GALNTL6: variants seen among roughly 807,000 people sequenced by gnomAD.
The protein encoded by GALNTL6 is polypeptide N-acetylgalactosaminyltransferase-like 6.
In GALNTL6, 46 loss-of-function variants were observed where a neutral mutation model predicts 73.7. That is an observed-to-expected ratio of 0.62 (90% confidence interval 0.49 to 0.80). The LOEUF (loss-of-function observed/expected upper bound fraction) is 0.80, where lower values mean the gene tolerates loss of function less well. Ranked by LOEUF, GALNTL6 falls within the 30% of genes least tolerant of loss-of-function variation. GALNTL6 has a pLI of 0.00. For synonymous variants in GALNTL6, 259 were observed against 263.7 expected, an observed-to-expected ratio of 0.98 and a Z score of 0.17; for missense variants, 604 against 755.0, an observed-to-expected ratio of 0.80 and a Z score of 2.34.
intron 5 of GALNTL6, among the ~76,000 whole-genome samples, chr4:172,445,773 GT>G (rs1731996968): frequency 6.6e-6 from 1 of 152,152 alleles, no homozygotes; most frequent in Non-Finnish European, 1.5e-5. Context: ...ATGTATGAGT[GT>G]GTTTTCTCTC....
intron 5 of GALNTL6, among the ~76,000 whole-genome samples, chr4:172,395,588 CT>C (rs1347725368): frequency 1.6e-4 from 25 of 152,088 alleles, no homozygotes; most frequent in African/African-American, 5.8e-4. Context: ...AAAATATATT[CT>C]GAGATATCAG....
chr4:172,526,413 A>G (rs145921305), intron 5 of GALNTL6, among the ~76,000 whole-genome samples: 46 of 152,286 alleles, frequency 3.0e-4, no homozygotes, highest in African/African-American at 1.1e-3. Context: ...TAAATTTAAA[A>G]ATATCTGCAA....
chr4:172,986,021 C>T (rs1751273462), intron 10 of GALNTL6, among the ~76,000 whole-genome samples: 1 of 152,122 alleles, frequency 6.6e-6, no homozygotes, highest in African/African-American at 2.4e-5. Flanking sequence ...TTCTTCTTTT[C>T]AAAATTAAAT....
At chr4:172,760,449 T>C (rs1738017530) in intron 5 of GALNTL6, among the ~76,000 whole-genome samples, 1 of 152,220 alleles carries the variant, frequency 6.6e-6, no homozygotes, top group Non-Finnish European at 1.5e-5. Flanking sequence ...AAAATAGACC[T>C]ACTCTGAAAC....
chr4:171,996,743 ACT>A (rs1282432944), intron 2 of GALNTL6, among the ~76,000 whole-genome samples: 20 of 138,780 alleles, frequency 1.4e-4, no homozygotes, highest in African/African-American at 4.4e-4. Flanking sequence ...AAAAAAAAAA[ACT>A]CACAGTGTCT....
chr4:172,197,934 C>T (rs977061814), intron 2 of GALNTL6, among the ~76,000 whole-genome samples: 1 of 152,098 alleles, frequency 6.6e-6, no homozygotes, highest in Admixed American at 6.5e-5. Context: ...ACGGTGAAAC[C>T]CCGTCTCTAC....
Position 171,969,959 on chromosome 4 carries a change from C to T in GALNTL6, c.138+155241C>T, listed in dbSNP as rs997750306. 3.3e-5 allele frequency among the ~76,000 whole-genome samples: 5 copies of T among 152,076 alleles called. No individual in the cohort carries two copies. The South Asian group carries it at 6.2e-4, about 19-fold the overall frequency. ...AATTTTTTTGTATTTTTAGTAGACA[C>T]GGGATTTCACCATGTTGACCATGCT... On this transcript the variant is annotated intron_variant, in intron 2 of 12. Coordinates refer to ENST00000506823, the MANE Select transcript of GALNTL6 (RefSeq NM_001034845.3).
intron 2 of GALNTL6, among the ~76,000 whole-genome samples, chr4:171,884,484 T>C (rs1736552493): frequency 6.6e-6 from 1 of 151,952 alleles, no homozygotes; most frequent in African/African-American, 2.4e-5. Flanking sequence ...AGCTTTGCAG[T>C]ACATAAATAA....
chr4:172,307,842 C>G (rs113787602), intron 3 of GALNTL6, among the ~76,000 whole-genome samples: 62,778 of 151,392 alleles, frequency 0.41, 15,114 homozygotes, highest in South Asian at 0.64. Flanking sequence ...TATGTGGGAT[C>G]TTTTTTAGTT....
intron 8 of GALNTL6, among the ~76,000 whole-genome samples, chr4:172,913,763 T>A (rs568304583): frequency 1.3e-5 from 2 of 152,318 alleles, no homozygotes; most frequent in Admixed American, 6.5e-5. Context: ...AATCTACATT[T>A]GATTGGTGTA....
At chr4:172,899,490 TATATC>T (rs1175874696) in intron 8 of GALNTL6, among the ~76,000 whole-genome samples, 3 of 150,034 alleles carry the variant, frequency 2.0e-5, no homozygotes, top group South Asian at 2.1e-4. Context: ...CTTCTGTTGT[TATATC>T]AATAGTTGTA....
intron 2 of GALNTL6, among the ~76,000 whole-genome samples, chr4:171,989,307 C>T (rs994936807): frequency 1.1e-4 from 16 of 152,248 alleles, no homozygotes; most frequent in Admixed American, 6.5e-4. Context: ...GCCACGAAGC[C>T]GAGAAGATCT....
chr4:172,297,547 G>A (rs534537828), intron 3 of GALNTL6, among the ~76,000 whole-genome samples: 1 of 152,260 alleles, frequency 6.6e-6, no homozygotes, highest in South Asian at 2.1e-4. Context: ...GTGTAAGGAA[G>A]GGATCCAGTT....
chr4:172,691,591 G>A (rs1464839914), intron 5 of GALNTL6, among the ~76,000 whole-genome samples: 1 of 152,122 alleles, frequency 6.6e-6, no homozygotes, highest in Non-Finnish European at 1.5e-5. Context: ...GTGATGCTGG[G>A]GCTGGATGTC....
At chr4:172,194,368 G>T (rs1735684427) in intron 2 of GALNTL6, among the ~76,000 whole-genome samples, 1 of 152,160 alleles carries the variant, frequency 6.6e-6, no homozygotes, top group South Asian at 2.1e-4. Context: ...GAACCAAGTT[G>T]GAAAACAAAC....
intron 5 of GALNTL6, among the ~76,000 whole-genome samples, chr4:172,658,137 G>A (rs1282168852): frequency 2.3e-4 from 9 of 39,268 alleles, no homozygotes; most frequent in Non-Finnish European, 3.2e-4. Flanking sequence ...GTGACAGAGC[G>A]AGACTCCGTC....
chr4:171,981,079 C>A (rs2111079664), intron 2 of GALNTL6, among the ~76,000 whole-genome samples: 1 of 152,258 alleles, frequency 6.6e-6, no homozygotes, highest in Middle Eastern at 3.4e-3. Flanking sequence ...TTTAGGATGC[C>A]TCCTGACACA....
intron 5 of GALNTL6, among the ~76,000 whole-genome samples, chr4:172,788,394 C>T (rs1398649466): frequency 6.6e-6 from 1 of 151,762 alleles, no homozygotes; most frequent in African/African-American, 2.4e-5. Context: ...ATAGATGGGC[C>T]GGGCGCGGTG....
intron 10 of GALNTL6, among the ~76,000 whole-genome samples, chr4:172,994,738 A>G (rs1468660326): frequency 3.3e-5 from 5 of 152,254 alleles, no homozygotes; most frequent in Middle Eastern, 3.4e-3. Flanking sequence ...ACACTCAAGA[A>G]TGGGCTCAAG....
Sources: gnomAD v4.1 joint callset for allele counts (sites outside exome capture counted in the v4.1 genomes callset) on GRCh38, gnomAD v4.1.1 for gene constraint, MANE v1.5 for transcripts, NCBI Gene and HGNC (gene_info 2026-07-23, HGNC 2026-07-21) for gene names.